EGFLAM: variants seen among roughly 807,000 people sequenced by gnomAD.
EGFLAM encodes EGF like, fibronectin type III and laminin G domains.
In EGFLAM, 79 loss-of-function variants were observed where a neutral mutation model predicts 113.1. The ratio of observed to expected loss-of-function variants is 0.70; its 90% confidence interval spans 0.58 to 0.84. EGFLAM has a LOEUF of 0.84. Among genes scored for constraint, EGFLAM ranks in the 40% least tolerant of loss-of-function variants. The pLI is 0.00. For missense variants in EGFLAM, 1,265 were observed against 1,291.6 expected (o/e 0.98, Z 0.32); for synonymous variants, 504 against 487.6 (o/e 1.03, Z -0.44).
At chr5:38,414,639 C>T (rs757081911) in intron 11 of EGFLAM, among the ~76,000 whole-genome samples, 1 of 152,112 alleles carries the variant, frequency 6.6e-6, no homozygotes, top group Non-Finnish European at 1.5e-5. Context: ...AGGCTGCAGA[C>T]AAATTGGAGC....
chr5:38,298,493 T>G (rs1758500082), intron 1 of EGFLAM, among the ~76,000 whole-genome samples: 3 of 152,120 alleles, frequency 2.0e-5, no homozygotes, highest in African/African-American at 7.2e-5. Flanking sequence ...GGCCTTTAAA[T>G]CATTTGTAGA....
chr5:38,424,890 T>G, intron 12 of EGFLAM, 77 bp from the exon 13 acceptor site: 2 of 1,560,268 alleles, frequency 1.3e-6, no homozygotes, highest in Non-Finnish European at 1.7e-6. Flanking sequence ...AACCATGAGC[T>G]GCTGGTGGGG....
intron 1 of EGFLAM, among the ~76,000 whole-genome samples, chr5:38,304,058 G>C (rs927819807): frequency 2.0e-5 from 3 of 151,810 alleles, no homozygotes; most frequent in Admixed American, 2.0e-4. Context: ...GAACCTGGGA[G>C]GCGAAGGTTG....
chr5:38,435,691 G>T (rs914056595), intron 16 of EGFLAM, among the ~76,000 whole-genome samples: 2 of 151,364 alleles, frequency 1.3e-5, no homozygotes, highest in African/African-American at 4.9e-5. Flanking sequence ...CACTTTAGCA[G>T]TTGGTGTTCA....
intron 3 of EGFLAM, among the ~76,000 whole-genome samples, chr5:38,347,759 T>C (rs1318173809): frequency 6.6e-6 from 1 of 152,098 alleles, no homozygotes; most frequent in African/African-American, 2.4e-5. Flanking sequence ...TAAGGGGTTT[T>C]AAAGTGTGAA....
chr5:38,312,948 C>T (rs1387219229), intron 1 of EGFLAM, among the ~76,000 whole-genome samples: 1 of 151,882 alleles, frequency 6.6e-6, no homozygotes, highest in African/African-American at 2.4e-5. Context: ...ATTAGCTGGG[C>T]GTGGTGGTGT....
intron 6 of EGFLAM, among the ~76,000 whole-genome samples, chr5:38,383,429 T>TA (rs1740569641): frequency 6.6e-6 from 1 of 151,298 alleles, no homozygotes; most frequent in Admixed American, 6.6e-5. Flanking sequence ...TTTTTTTTTT[T>TA]AACATTACCC....
intron 1 of EGFLAM, among the ~76,000 whole-genome samples, chr5:38,315,019 C>T (rs1366247108): frequency 6.6e-6 from 1 of 152,194 alleles, no homozygotes; most frequent in Admixed American, 6.5e-5. Context: ...CCAACCTAGG[C>T]TATCCTGACT....
intron 16 of EGFLAM, among the ~76,000 whole-genome samples, chr5:38,436,787 G>C (rs746963323): frequency 1.3e-5 from 2 of 152,150 alleles, no homozygotes; most frequent in African/African-American, 4.8e-5. Flanking sequence ...CACATATTAC[G>C]CAGTTTCATG....
intron 5 of EGFLAM, among the ~76,000 whole-genome samples, chr5:38,352,782 T>C (rs1212590395): frequency 6.6e-6 from 1 of 152,180 alleles, no homozygotes; most frequent in African/African-American, 2.4e-5. Flanking sequence ...ATGTATATAC[T>C]TAGGCCAGTA....
intron 1 of EGFLAM, among the ~76,000 whole-genome samples, chr5:38,263,485 G>A (rs768281231): frequency 6.6e-5 from 10 of 152,036 alleles, no homozygotes; most frequent in Admixed American, 2.0e-4. Context: ...AAAAAACATT[G>A]GGATGTTTAT....
At chr5:38,384,739 A>G (rs1484225396) in intron 6 of EGFLAM, among the ~76,000 whole-genome samples, 5 of 152,050 alleles carry the variant, frequency 3.3e-5, no homozygotes, top group African/African-American at 1.2e-4. Context: ...GGCTCATTCT[A>G]CTGCACTTGG....
At position 38,407,085 on chromosome 5, in the gene EGFLAM, C is replaced by T. The variant is rs781541282; in HGVS notation, c.1086C>T (p.Tyr362=). 34 of 1,614,018 alleles carry T rather than the reference C, an allele frequency of 2.1e-5. No individual in the cohort carries two copies. The highest frequency in any genetic ancestry group is 2.6e-5 in the Non-Finnish European group (31 of 1,180,044). ...CTGACAGCTTCTGTGTCAATGACTA[C>T]ACCTGGGGGGGCTCGCGATGCCAGT... is the stretch of plus-strand genomic sequence containing the variant. ...CSADSFCVND[Y]TWGGSRCQCT... The change falls in exon 8 of 22, where the codon TAC becomes TAT. Residue 362 remains tyrosine (Y), a synonymous_variant. Coordinates refer to ENST00000322350, the MANE Select transcript of EGFLAM (RefSeq NM_152403.4).
At chr5:38,398,580 A>G (rs1173738598) in intron 6 of EGFLAM, among the ~76,000 whole-genome samples, 1 of 152,260 alleles carries the variant, frequency 6.6e-6, no homozygotes, top group Non-Finnish European at 1.5e-5. Flanking sequence ...ATTTCTAAGC[A>G]TAGAGAACAG....
At chr5:38,431,506 A>T (rs2112208169) in intron 15 of EGFLAM, among the ~76,000 whole-genome samples, 1 of 152,354 alleles carries the variant, frequency 6.6e-6, no homozygotes, top group Non-Finnish European at 1.5e-5. Flanking sequence ...AGTTGTGAGG[A>T]TTAAATGAGT....
At chr5:38,300,895 G>A (rs140590030) in intron 1 of EGFLAM, among the ~76,000 whole-genome samples, 25 of 152,264 alleles carry the variant, frequency 1.6e-4, no homozygotes, top group Middle Eastern at 3.4e-3. Flanking sequence ...TGAGTTATGC[G>A]TAAAAGAGGA....
chr5:38,399,277 GT>G lies in EGFLAM; in HGVS notation c.713-6831del, dbSNP rs797021726. Among the ~76,000 whole-genome samples, 284 of 118,472 alleles carry G rather than the reference GT, an allele frequency of 2.4e-3. 1 individual carries two copies. Among genetic ancestry groups the G allele is most frequent in the East Asian group, 7.8e-3 (33 of 4,256 alleles). 77.7% of individuals were successfully genotyped at this position (118,472 alleles called of 152,430 possible). Reference sequence around the variant, plus strand: ...CAGGTTCTTTTTTATTTTTGTTTTCGTTTTTTTTTTTTTTTTTTGAGATGGA... The same window carrying G: ...CAGGTTCTTTTTTATTTTTGTTTTCGTTTTTTTTTTTTTTTTTGAGATGGA... On this transcript the variant is annotated intron_variant, in intron 6 of 21. Transcript: ENST00000322350.
chr5:38,264,771 G>A (rs1190656571), intron 1 of EGFLAM, among the ~76,000 whole-genome samples: 1 of 152,162 alleles, frequency 6.6e-6, no homozygotes, highest in Non-Finnish European at 1.5e-5. Flanking sequence ...TCATTTATCA[G>A]GGAAATCTTT....
At chr5:38,437,333 T>G (rs553123868) in intron 16 of EGFLAM, among the ~76,000 whole-genome samples, 8 of 152,204 alleles carry the variant, frequency 5.3e-5, no homozygotes, top group Admixed American at 3.9e-4. Context: ...AGTGGGACAA[T>G]CGGGGAGGTC....
Sources: allele counts gnomAD v4.1 joint callset (sites outside exome capture counted in the v4.1 genomes callset), GRCh38; gene constraint gnomAD v4.1.1; transcripts MANE v1.5; gene names NCBI Gene and HGNC (gene_info 2026-07-23, HGNC 2026-07-21).